The following SLC9D1 variants were observed in gnomAD, a reference collection of about 807,000 sequenced individuals.
SLC9D1 encodes the protein putative LAG1-interacting protein.
At chr13:113,546,632 T>G in the SLC9D1 span, among the ~76,000 whole-genome samples, 1 of 152,002 alleles carries the variant, frequency 6.6e-6, no homozygotes, top group African/African-American at 2.4e-5. The surrounding 1 kb of genome is among the most constrained non-coding windows in gnomAD (Gnocchi z 7.1). Context: ...GTCCTTCCGA[T>G]CAAGAGGAGG....
chr13:113,534,262 A>G, the SLC9D1 span: 2 of 1,567,002 alleles, frequency 1.3e-6, no homozygotes, highest in Non-Finnish European at 1.8e-6. Flanking sequence ...ACTATGTGTT[A>G]TTTATGTAAT....
chr13:113,527,483 G>A, the SLC9D1 span: 4 of 152,214 alleles, frequency 2.6e-5, no homozygotes, highest in Admixed American at 6.5e-5. Flanking sequence ...TCCAGTGCCT[G>A]GGAAGCGCGT....
chr13:113,539,630 C>A, the SLC9D1 span: 2 of 1,053,512 alleles, frequency 1.9e-6, no homozygotes, highest in Non-Finnish European at 2.7e-6. The surrounding 1 kb of genome is among the most constrained non-coding windows in gnomAD (Gnocchi z 4.8). Context: ...TAAGTGTATT[C>A]AGCATATTTC....
At chr13:113,498,542 G>C in the SLC9D1 span, 2 of 1,552,590 alleles carry the variant, frequency 1.3e-6, no homozygotes, top group African/African-American at 2.8e-5. Flanking sequence ...CAGAACAGCT[G>C]CTTCTTCACC....
chr13:113,498,893 G>T, the SLC9D1 span, among the ~76,000 whole-genome samples: 3 of 144,016 alleles, frequency 2.1e-5, no homozygotes, highest in South Asian at 6.4e-4. Context: ...GAGAGTTCTT[G>T]GATCAGGGGT....
At chr13:113,531,532 A>C in the SLC9D1 span, among the ~76,000 whole-genome samples, 1 of 150,466 alleles carries the variant, frequency 6.6e-6, no homozygotes. Flanking sequence ...GTACGTGCAG[A>C]TCAAGAGCAG....
the SLC9D1 span, chr13:113,498,238 C>T: frequency 2.4e-6 from 2 of 844,828 alleles, no homozygotes; most frequent in African/African-American, 1.8e-5. Flanking sequence ...AAGTTATTGA[C>T]ATATGAACAG....
the SLC9D1 span, among the ~76,000 whole-genome samples, chr13:113,532,027 CT>C: frequency 6.3e-4 from 96 of 152,338 alleles, 1 homozygote; most frequent in African/African-American, 2.2e-3. Context: ...GTCTCTGCCC[CT>C]GTTCTCATCT....
chr13:113,492,879 CAA>C, the SLC9D1 span, among the ~76,000 whole-genome samples: 1 of 152,088 alleles, frequency 6.6e-6, no homozygotes, highest in African/African-American at 2.4e-5. Context: ...GCCTGGGTGA[CAA>C]GAGCAAAACT....
the SLC9D1 span, among the ~76,000 whole-genome samples, chr13:113,497,308 C>T: frequency 6.6e-6 from 1 of 151,438 alleles, no homozygotes; most frequent in East Asian, 1.9e-4. Flanking sequence ...GTGAGATCTG[C>T]AGCTGTGTGC....
chr13:113,517,296 A>C, the SLC9D1 span, among the ~76,000 whole-genome samples: 6 of 152,132 alleles, frequency 3.9e-5, no homozygotes, highest in African/African-American at 1.4e-4. Flanking sequence ...GCAACGGCAC[A>C]ATTTCAGCTC....
At chr13:113,495,769 A>C in the SLC9D1 span, 1 of 1,614,174 alleles carries the variant, frequency 6.2e-7, no homozygotes, top group Non-Finnish European at 8.5e-7. Flanking sequence ...CTTCTCCGCC[A>C]GAAGAATGCA....
At chr13:113,508,238 C>T in the SLC9D1 span, among the ~76,000 whole-genome samples, 260 of 152,356 alleles carry the variant, frequency 1.7e-3, 1 homozygote, top group Non-Finnish European at 2.8e-3. Context: ...GAAACTAAAG[C>T]TAGAGAGATT....
the SLC9D1 span, among the ~76,000 whole-genome samples, chr13:113,513,125 G>A: frequency 5.9e-5 from 9 of 152,178 alleles, no homozygotes; most frequent in Non-Finnish European, 1.3e-4. Context: ...AGAAAAGACA[G>A]GTGGTTTAAA....
the SLC9D1 span, chr13:113,534,545 TG>T: frequency 2.6e-6 from 1 of 385,522 alleles, no homozygotes; most frequent in African/African-American, 2.1e-5. Flanking sequence ...TCCTAGCATG[TG>T]GGGAAGCTGA....
chr13:113,496,211 G>GA, the SLC9D1 span, among the ~76,000 whole-genome samples: 1 of 152,218 alleles, frequency 6.6e-6, no homozygotes, highest in Non-Finnish European at 1.5e-5. Context: ...ATCGCATCTA[G>GA]AAAAATCTCT....
At chr13:113,539,013 C>T in the SLC9D1 span, among the ~76,000 whole-genome samples, 630 of 152,368 alleles carry the variant, frequency 4.1e-3, 2 homozygotes, top group Non-Finnish European at 6.6e-3. The surrounding 1 kb of genome is among the most constrained non-coding windows in gnomAD (Gnocchi z 4.8). Context: ...CTAACACTCC[C>T]ACCGGGCTAT....
the SLC9D1 span, chr13:113,534,390 A>C: frequency 1.5e-6 from 1 of 674,524 alleles, no homozygotes; most frequent in East Asian, 2.7e-5. Context: ...ACACTTTCTT[A>C]TACTACCCAT....
chr13:113,502,208 G>A, the SLC9D1 span, among the ~76,000 whole-genome samples: 9 of 151,860 alleles, frequency 5.9e-5, no homozygotes, highest in African/African-American at 2.2e-4. Flanking sequence ...AACCGTTTTT[G>A]TTGTTGTTGT....
Sources: allele counts gnomAD v4.1 joint callset (sites outside exome capture counted in the v4.1 genomes callset), GRCh38; gene constraint gnomAD v4.1.1; non-coding constraint Gnocchi (gnomAD v3.1); transcripts MANE v1.5; gene names NCBI Gene and HGNC (gene_info 2026-07-23, HGNC 2026-07-21).